Variants in ANKRD11 observed in about 807,000 individuals in gnomAD.
The protein encoded by ANKRD11 is ankyrin repeat domain-containing protein 11.
A neutral mutation model predicts 195.7 loss-of-function variants in ANKRD11; 17 were observed. The observed-to-expected ratio is 0.09, with a 90% CI of 0.06 to 0.13. ANKRD11 has a LOEUF of 0.13. Ranked by LOEUF, ANKRD11 falls within the 10% of genes least tolerant of loss-of-function variation. The pLI, the probability that ANKRD11 is intolerant of heterozygous loss-of-function variation, is 1.00. For missense variants in ANKRD11, 3,735 were observed against 3,566.1 expected (o/e 1.05, Z -1.21); for synonymous variants, 1,953 against 1,528.1 (o/e 1.28, Z -6.49).
rs977272949 is a variant in ANKRD11, at chr16:89,313,675, G to C, written c.87+3258C>G. On this transcript the variant is annotated intron_variant, in intron 3 of 12. Coordinates refer to ENST00000301030, the MANE Select transcript of ANKRD11 (RefSeq NM_013275.6). Reference sequence around the variant, plus strand: ...AGAAGACTGAGCAGAAACCATTTCAGCCTGTACCAGGAGAAGGCAGGTCAG... The same window carrying C: ...AGAAGACTGAGCAGAAACCATTTCACCCTGTACCAGGAGAAGGCAGGTCAG... 38 of 1,161,760 alleles carry C rather than the reference G, an allele frequency of 3.3e-5. No individual in the cohort carries two copies. The African/African-American group carries it at 6.0e-4, about 18-fold the overall frequency. The allele number at this position is 1,161,760 out of a possible 1,614,324, so 72.0% of individuals were successfully genotyped here. A position where few individuals can be genotyped will look rare whatever the true frequency, so the allele number is the denominator to read the frequency against.
chr16:89,470,894 G>A (rs202201958), intron 1 of ANKRD11, among the ~76,000 whole-genome samples: 14 of 152,188 alleles, frequency 9.2e-5, no homozygotes, highest in Non-Finnish European at 1.9e-4. Flanking sequence ...TCGGGAGGCT[G>A]AGGCAGGAGA....
At chr16:89,391,024 C>T (rs2965828) in intron 2 of ANKRD11, among the ~76,000 whole-genome samples, 1 of 151,652 alleles carries the variant, frequency 6.6e-6, no homozygotes, top group South Asian at 2.1e-4. Flanking sequence ...GTCAGGAGAT[C>T]GAGACCATCC....
intron 2 of ANKRD11, among the ~76,000 whole-genome samples, chr16:89,410,723 G>A (rs930806583): frequency 6.6e-6 from 1 of 152,216 alleles, no homozygotes; most frequent in African/African-American, 2.4e-5. Flanking sequence ...CAAAAGCTAT[G>A]AAAGCATCCT....
chr16:89,444,764 C>A (rs1470436606), intron 1 of ANKRD11, among the ~76,000 whole-genome samples: 1 of 152,016 alleles, frequency 6.6e-6, no homozygotes, highest in Non-Finnish European at 1.5e-5. Flanking sequence ...GATAACACAG[C>A]CAGATCCCGT....
chr16:89,441,133 G>A (rs1038650193), intron 1 of ANKRD11, among the ~76,000 whole-genome samples: 1 of 151,934 alleles, frequency 6.6e-6, no homozygotes, highest in African/African-American at 2.4e-5. Flanking sequence ...CTACTCGGGA[G>A]GCTGAGGCAG....
At chr16:89,311,524 A>G (rs955703620) in intron 3 of ANKRD11, among the ~76,000 whole-genome samples, 1 of 152,144 alleles carries the variant, frequency 6.6e-6, no homozygotes, top group Non-Finnish European at 1.5e-5. Flanking sequence ...CTTACCTCAC[A>G]CCACATACAA....
At chr16:89,450,675 C>G (rs1285234454) in intron 1 of ANKRD11, among the ~76,000 whole-genome samples, 3 of 152,134 alleles carry the variant, frequency 2.0e-5, no homozygotes, top group Admixed American at 6.6e-5. Context: ...TTCTATTTTA[C>G]AGAGAGAGAC....
At position 89,279,763 on chromosome 16, in the gene ANKRD11, G is replaced by A. The variant is rs2034012032; in HGVS notation, c.6779C>T (p.Ala2260Val). ...GAGGGACGCGGCGGGGGGGCCTTCA[G>A]CCTCAGCCCCCTGGTCTCCGCTCCC... Reference protein sequence around the residue: ...PLGSGDQGAEAEGPPAASLCA... With the variant: ...PLGSGDQGAEVEGPPAASLCA... Residue 2260 changes from alanine to valine, a missense_variant, in exon 9 of 13, where the codon GCT becomes GTT. Transcript: ENST00000301030. This position sits in a 1 kb window ranked among gnomAD's most constrained non-coding sequence, Gnocchi z 5.6. 7.9e-6 allele frequency: 12 copies of A among 1,525,300 alleles called. No individual in the cohort carries two copies. The highest frequency in any genetic ancestry group is 1.2e-5 in the South Asian group (1 of 83,528). The allele number at this position is 1,525,300 out of a possible 1,614,324, so 94.5% of individuals were successfully genotyped here.
intron 2 of ANKRD11, among the ~76,000 whole-genome samples, chr16:89,384,879 C>CTTTTTTTTTTTTTTTTTAT (rs2040835081): frequency 2.0e-5 from 1 of 49,910 alleles, no homozygotes. Context: ...AAATAGTTTT[C>CTTTTTTTTTTTTTTTTTAT]TTTTTTTTTT....
intron 1 of ANKRD11, among the ~76,000 whole-genome samples, chr16:89,463,914 CA>C (rs1165141105): frequency 6.6e-6 from 1 of 152,116 alleles, no homozygotes; most frequent in Non-Finnish European, 1.5e-5. Context: ...ATTCTATTTA[CA>C]AAAAACAATA....
At chr16:89,432,013 C>T (rs2042999428) in intron 1 of ANKRD11, among the ~76,000 whole-genome samples, 5 of 152,118 alleles carry the variant, frequency 3.3e-5, no homozygotes, top group Admixed American at 3.3e-4. Context: ...CTCCCTACTG[C>T]AACCGCTCTG....
At chr16:89,341,507 A>C (rs910476116) in intron 2 of ANKRD11, among the ~76,000 whole-genome samples, 16 of 152,148 alleles carry the variant, frequency 1.1e-4, no homozygotes, top group Non-Finnish European at 2.2e-4. Flanking sequence ...AACGGCTCTA[A>C]ACATATGTGC....
chr16:89,431,874 T>G (rs2042992905), intron 1 of ANKRD11, among the ~76,000 whole-genome samples: 2 of 152,152 alleles, frequency 1.3e-5, no homozygotes, highest in African/African-American at 2.4e-5. Flanking sequence ...CTCCTTCCTG[T>G]ATCCCCTGCC....
Position 89,350,924 on chromosome 16 carries a change from T to A in ANKRD11, c.-59-33846A>T, listed in dbSNP as rs192256659. Among the ~76,000 whole-genome samples the A allele has an allele frequency of 3.5e-4, 53 of 152,202 alleles. No individual in the cohort carries two copies. The East Asian group carries it at 7.3e-3, about 21-fold the overall frequency. On this transcript the variant is annotated intron_variant, in intron 2 of 12. Transcript: ENST00000301030. The stretch of plus-strand genomic sequence containing the variant: ...GATTTCTTTCCACGATTCAGCAGGG[T>A]GACTCAGCAACAGGCTCTACCATGT...
chr16:89,312,726 C>T (rs1255842410), intron 3 of ANKRD11, among the ~76,000 whole-genome samples: 7 of 152,236 alleles, frequency 4.6e-5, no homozygotes, highest in South Asian at 4.1e-4. Flanking sequence ...CTGCTCCTCC[C>T]GAAGCATGCG....
At position 89,405,589 on chromosome 16, in the gene ANKRD11, C is replaced by T. The variant is rs557604042; in HGVS notation, c.-60+12695G>A. Among the ~76,000 whole-genome samples, 3 of 152,028 alleles carry T rather than the reference C, an allele frequency of 2.0e-5. No individual in the cohort carries two copies. The South Asian group carries it at 6.2e-4, about 32-fold the overall frequency. On this transcript the variant is annotated intron_variant, in intron 2 of 12. Coordinates refer to ENST00000301030, the MANE Select transcript of ANKRD11 (RefSeq NM_013275.6). ...GTTGCAGCAATCCTCCCGCCTCAGC[C>T]TCCCAAAGTGCTGGGATTACAGGCC...
At chr16:89,405,483 C>A (rs990598153) in intron 2 of ANKRD11, among the ~76,000 whole-genome samples, 3 of 151,244 alleles carry the variant, frequency 2.0e-5, no homozygotes, top group African/African-American at 7.3e-5. Context: ...TGCCACCACA[C>A]CTGGCTCATT....
intron 2 of ANKRD11, among the ~76,000 whole-genome samples, chr16:89,352,879 C>A (rs2039287199): frequency 6.6e-6 from 1 of 152,218 alleles, no homozygotes; most frequent in African/African-American, 2.4e-5. Flanking sequence ...TCTTTTCTCT[C>A]ACGGCTTGTT....
chr16:89,305,694 TCCCACTCCGCAGACACGCGCC>T (rs2036162718), intron 3 of ANKRD11, among the ~76,000 whole-genome samples: 38 of 85,960 alleles, frequency 4.4e-4, no homozygotes, highest in South Asian at 1.6e-3. Flanking sequence ...ACGCGCCACC[TCCCACTCCGCAGACACGCGCC>T]ACCTCCCACT....
Sources: gnomAD v4.1 joint callset for allele counts (sites outside exome capture counted in the v4.1 genomes callset) on GRCh38, gnomAD v4.1.1 for gene constraint, Gnocchi (gnomAD v3.1) non-coding constraint, MANE v1.5 for transcripts, NCBI Gene and HGNC (gene_info 2026-07-23, HGNC 2026-07-21) for gene names.